CNIH1: variants seen among roughly 807,000 people sequenced by gnomAD.
CNIH1 encodes the protein protein cornichon homolog 1.
Under a neutral mutation model 20.2 loss-of-function variants are expected in CNIH1, and 12 were observed. The observed-to-expected ratio is 0.59, with a 90% confidence interval of 0.38 to 0.96. The LOEUF is 0.96. CNIH1 is among the 40% of genes least tolerant of loss of function. The pLI is 0.00. For missense variants in CNIH1, 152 were observed against 178.8 expected, an observed-to-expected ratio of 0.85 and a Z score of 0.85; for synonymous variants, 69 against 63.3, an observed-to-expected ratio of 1.09 and a Z score of -0.43.
chr14:54,436,267 A>G, intron 2 of CNIH1, 102 bp downstream of exon 2: 1 of 755,684 alleles, frequency 1.3e-6, no homozygotes, highest in Non-Finnish European at 2.4e-6. Context: ...AAAAAGTACA[A>G]ATATATTATG....
At chr14:54,439,555 T>TC (rs2031126408) in intron 1 of CNIH1, among the ~76,000 whole-genome samples, 2 of 143,332 alleles carry the variant, frequency 1.4e-5, no homozygotes, top group African/African-American at 2.6e-5. Flanking sequence ...TTTCTTTCTT[T>TC]TTTTTTGTTT....
At position 54,425,796 on chromosome 14, in the gene CNIH1, T is replaced by G; in HGVS notation, c.*2018A>C. 6.6e-6 allele frequency: 1 copy of G among 152,166 alleles called. No homozygotes were observed. The highest frequency in any genetic ancestry group is 2.1e-4 in the South Asian group (1 of 4,830). 9.4% of individuals were successfully genotyped at this position (152,166 alleles called of 1,614,324 possible). ...ATCTTATTTGGGAAACATGAGAAAA[T>G]GGCTTCCACAAATCCCAACCAGTAA... On this transcript the variant is annotated 3_prime_UTR_variant, in exon 5 of 5. Transcript: ENST00000216416.
At position 54,428,003 on chromosome 14, in the gene CNIH1, C is replaced by A. The variant is rs555610505; in HGVS notation, c.408-162G>T. Among the ~76,000 whole-genome samples, 50 of 152,134 alleles carry A rather than the reference C, an allele frequency of 3.3e-4. No individual in the cohort carries two copies. The South Asian group carries it at 0.01, about 32-fold the overall frequency. ...TTAATTTGCATTTATGGACTTTTGC[C>A]TAACATATGACTTGGCTCAGTGCAT... On this transcript the variant is annotated intron_variant, in intron 4 of 4. Transcript: ENST00000216416.
rs2030854506 is a variant in CNIH1, at chr14:54,427,757, C to G, written c.*57G>C. Reference sequence around the variant, plus strand: ...GACAGGATCTTGCTGGATAGAATCCCTTCATTTGGTGGCTTTTTGCATGCA... The same window carrying G: ...GACAGGATCTTGCTGGATAGAATCCGTTCATTTGGTGGCTTTTTGCATGCA... On this transcript the variant is annotated 3_prime_UTR_variant, in exon 5 of 5. Coordinates refer to ENST00000216416, the MANE Select transcript of CNIH1 (RefSeq NM_005776.3). 6.3e-7 allele frequency: 1 copy of G among 1,585,760 alleles called. No homozygotes were observed. Among genetic ancestry groups the G allele is most frequent in the African/African-American group, 1.3e-5 (1 of 74,292 alleles).
At chr14:54,438,608 T>A (rs28546578) in intron 1 of CNIH1, among the ~76,000 whole-genome samples, 13 of 152,170 alleles carry the variant, frequency 8.5e-5, no homozygotes, top group African/African-American at 2.9e-4. Flanking sequence ...TAGGACTAAA[T>A]TGACAGATAT....
intron 1 of CNIH1, among the ~76,000 whole-genome samples, chr14:54,438,277 G>A (rs1314463637): frequency 6.6e-6 from 1 of 152,198 alleles, no homozygotes; most frequent in East Asian, 1.9e-4. Context: ...ACTGTGCCTG[G>A]TCACAGGGAT....
At position 54,424,973 on chromosome 14, in the gene CNIH1, C is replaced by CA. The variant is rs573613107; in HGVS notation, c.*2840dup. On this transcript the variant is annotated 3_prime_UTR_variant, in exon 5 of 5. Transcript: ENST00000216416. ...TTCCCATGAAAAATAATTCAAACTT[C>CA]AAACAAATTAGCAGTTTGTCCATAG... The CA allele has an allele frequency of 1.5e-3, 233 of 152,252 alleles. 1 individual carries two copies. The highest frequency in any genetic ancestry group is 5.2e-3 in the African/African-American group (217 of 41,562). The allele number at this position is 152,252 out of a possible 1,614,324, so 9.4% of individuals were successfully genotyped here. A position where few individuals can be genotyped will look rare whatever the true frequency, so the allele number is the denominator to read the frequency against.
intron 1 of CNIH1, 59 bp downstream of exon 1, chr14:54,441,188 G>A (rs1008188790): frequency 1.4e-6 from 2 of 1,429,124 alleles, no homozygotes; most frequent in African/African-American, 3.0e-5. Context: ...CCGCGGGCCC[G>A]GGGCGAAAAG....
At position 54,426,304 on chromosome 14, in the gene CNIH1, A is replaced by G. The variant is rs1251461304; in HGVS notation, c.*1510T>C. On this transcript the variant is annotated 3_prime_UTR_variant, in exon 5 of 5. Transcript: ENST00000216416. ...AATAGTTAACAGCTACTCTCTCCCAACCATGGGAAAGCACTGAAATAAAGC... is the reference window on the plus strand; with the variant it reads ...AATAGTTAACAGCTACTCTCTCCCAGCCATGGGAAAGCACTGAAATAAAGC... 1.3e-5 allele frequency: 2 copies of G among 152,210 alleles called. No individual in the cohort carries two copies. The highest frequency in any genetic ancestry group is 6.5e-5 in the Admixed American group (1 of 15,274). The allele number at this position is 152,210 out of a possible 1,614,324, so 9.4% of individuals were successfully genotyped here.
rs1273522150 is a variant in CNIH1, at chr14:54,425,689, A to G, written c.*2125T>C. 6.6e-6 allele frequency: 1 copy of G among 152,224 alleles called. No individual in the cohort carries two copies. The highest frequency in any genetic ancestry group is 1.5e-5 in the Non-Finnish European group (1 of 68,034). 9.4% of individuals were successfully genotyped at this position (152,224 alleles called of 1,614,324 possible). A position where few individuals can be genotyped will look rare whatever the true frequency, so the allele number is the denominator to read the frequency against. On this transcript the variant is annotated 3_prime_UTR_variant, in exon 5 of 5. Transcript: ENST00000216416. ...GGTACTCAATCTTTTAATCACTTAC[A>G]TGCCTAGGAACTCACAAACTACCAC...
Position 54,430,310 on chromosome 14 carries a change from A to T in CNIH1, c.358T>A (p.Trp120Arg). The T allele has an allele frequency of 6.2e-7, 1 of 1,614,166 alleles. No individual in the cohort carries two copies. ...DILAYCQKEG[W>R]CKLAFYLLAF... is the part of the protein sequence containing the mutation. Reference sequence around the variant, plus strand: ...AGAAGATAAAAAGCTAATTTGCACCATCCTTCCTTCTGACAATATGCTAGA... The same window carrying T: ...AGAAGATAAAAAGCTAATTTGCACCTTCCTTCCTTCTGACAATATGCTAGA... The change falls in exon 4 of 5, where the codon TGG (tryptophan) becomes AGG (arginine). Residue 120 changes from tryptophan (W) to arginine (R), a missense_variant. Around this residue, in one of 3 missense-constraint regions of CNIH1, gnomAD observed 27 missense variants for 55.4 expected, o/e 0.49. Transcript: ENST00000216416.
chr14:54,431,314 G>C (rs938960224), intron 3 of CNIH1, among the ~76,000 whole-genome samples: 3 of 152,022 alleles, frequency 2.0e-5, no homozygotes, highest in Non-Finnish European at 2.9e-5. Context: ...TTTTAGTTGA[G>C]ACAGGGTTTC....
At chr14:54,430,460 G>A in intron 3 of CNIH1, 56 bp from the exon 4 acceptor site, 1 of 1,522,666 alleles carries the variant, frequency 6.6e-7, no homozygotes, top group Non-Finnish European at 8.9e-7. Flanking sequence ...GTTCAGATAA[G>A]AAAGCAGGTC....
At chr14:54,432,022 G>A (rs1249586665) in intron 3 of CNIH1, 86 bp downstream of exon 3, 7 of 591,800 alleles carry the variant, frequency 1.2e-5, no homozygotes, top group Non-Finnish European at 1.8e-5. Context: ...TTTTATGTAG[G>A]TGACTAGCAT....
Position 54,423,608 on chromosome 14 carries a change from A to G in CNIH1, c.*4206T>C, listed in dbSNP as rs1160211021. On this transcript the variant is annotated 3_prime_UTR_variant, in exon 5 of 5. Coordinates refer to ENST00000216416, the MANE Select transcript of CNIH1 (RefSeq NM_005776.3). ...AAATACAAAAGCAAAATAAGCTCTA[A>G]GGAGTAAGGTAGGGCTACTTAAGGG... 1 of 152,222 alleles carries G rather than the reference A, an allele frequency of 6.6e-6. No individual in the cohort carries two copies. Among genetic ancestry groups the G allele is most frequent in the Non-Finnish European group, 1.5e-5 (1 of 68,028 alleles). The allele number at this position is 152,222 out of a possible 1,614,324, so 9.4% of individuals were successfully genotyped here. A position where few individuals can be genotyped will look rare whatever the true frequency, so the allele number is the denominator to read the frequency against.
rs760199949 is a variant in CNIH1, at chr14:54,425,483, C to A, written c.*2331G>T. On this transcript the variant is annotated 3_prime_UTR_variant, in exon 5 of 5. Coordinates refer to ENST00000216416, the MANE Select transcript of CNIH1 (RefSeq NM_005776.3). ...CCAGGCTAACCATGCCTCAGCTGAA[C>A]CCACAGGAATAATAGGCTAGGGCCA... The A allele has an allele frequency of 6.6e-6, 1 of 152,098 alleles. No individual in the cohort carries two copies. Among genetic ancestry groups the A allele is most frequent in the African/African-American group, 2.4e-5 (1 of 41,412 alleles). The allele number at this position is 152,098 out of a possible 1,614,324, so 9.4% of individuals were successfully genotyped here. A position where few individuals can be genotyped will look rare whatever the true frequency, so the allele number is the denominator to read the frequency against.
At chr14:54,430,000 T>C (rs2030902383) in intron 4 of CNIH1, among the ~76,000 whole-genome samples, 2 of 152,202 alleles carry the variant, frequency 1.3e-5, no homozygotes, top group Admixed American at 1.3e-4. Context: ...AGGACCATCC[T>C]TTACTGACTG....
In CNIH1 at chr14:54,430,342, G is replaced by A; in HGVS notation, c.326C>T (p.Ala109Val). Residue 109 changes from alanine to valine, a missense_variant, in exon 4 of 5, where the codon GCA (alanine) becomes GTA (valine). Transcript: ENST00000216416. ...CTTCTGACAATATGCTAGAATATCTGCATTCATGATGGTTGTAGGGTCATA... is the reference window on the plus strand; with the variant it reads ...CTTCTGACAATATGCTAGAATATCTACATTCATGATGGTTGTAGGGTCATA... ...GLYDPTTIMN[A>V]DILAYCQKEG... 6.2e-7 allele frequency: 1 copy of A among 1,614,034 alleles called. No homozygotes were observed. Among genetic ancestry groups the A allele is most frequent in the Non-Finnish European group, 8.5e-7 (1 of 1,179,898 alleles).
chr14:54,429,511 T>C (rs527241408), intron 4 of CNIH1, among the ~76,000 whole-genome samples: 3 of 152,184 alleles, frequency 2.0e-5, no homozygotes, highest in South Asian at 2.1e-4. Context: ...GTAATCCCAG[T>C]ACTTTGGGAG....
Sources: gnomAD v4.1 joint callset for allele counts (sites outside exome capture counted in the v4.1 genomes callset) on GRCh38, gnomAD v4.1.1 for gene constraint, gnomAD v4.1.1 regional missense constraint, MANE v1.5 for transcripts, NCBI Gene and HGNC (gene_info 2026-07-23, HGNC 2026-07-21) for gene names.